CSMD1: variants seen among roughly 807,000 people sequenced by gnomAD.
CSMD1 encodes the protein CUB and sushi domain-containing protein 1.
In CSMD1, 213 loss-of-function variants were observed where a neutral mutation model predicts 417.5. That is an observed-to-expected ratio of 0.51 (90% CI 0.46 to 0.57). The LOEUF is 0.57. Ranked by LOEUF, CSMD1 falls within the 20% of genes least tolerant of loss-of-function variation. CSMD1 has a pLI of 0.00. For missense variants in CSMD1, 6,923 were observed against 4,529.7 expected (o/e 1.53, Z -15.17); for synonymous variants, 2,862 against 1,736.8 (o/e 1.65, Z -16.11).
intron 3 of CSMD1, among the ~76,000 whole-genome samples, chr8:4,343,930 T>C (rs1448517591): frequency 6.6e-6 from 1 of 152,112 alleles, no homozygotes; most frequent in African/African-American, 2.4e-5. Context: ...CCAAGAGAAG[T>C]GTTTTAAAAA....
chr8:3,885,836 G>T (rs1806526078), intron 5 of CSMD1, among the ~76,000 whole-genome samples: 2 of 152,024 alleles, frequency 1.3e-5, no homozygotes, highest in Non-Finnish European at 2.9e-5. Flanking sequence ...GTCTGACCTG[G>T]CAAACGTCTC....
intron 1 of CSMD1, among the ~76,000 whole-genome samples, chr8:4,777,377 A>G (rs1796906771): frequency 6.6e-6 from 1 of 152,166 alleles, no homozygotes; most frequent in Non-Finnish European, 1.5e-5. Context: ...GAGCTTGGGG[A>G]TGATGAAGAG....
In CSMD1 at chr8:4,216,493, G is replaced by A. The variant is rs574831576; in HGVS notation, c.416-184394C>T. On this transcript the variant is annotated intron_variant, in intron 3 of 69. Coordinates refer to ENST00000635120, the MANE Select transcript of CSMD1 (RefSeq NM_033225.6). Reference sequence around the variant, plus strand: ...ATTAGTAAAATTTTACTCATTAATAGAATTAGTGCTTATTCAGTACCCCCA... The same window carrying A: ...ATTAGTAAAATTTTACTCATTAATAAAATTAGTGCTTATTCAGTACCCCCA... Among the ~76,000 whole-genome samples the A allele has an allele frequency of 4.6e-5, 7 of 152,238 alleles. No homozygotes were observed. The East Asian group carries it at 5.8e-4, about 13-fold the overall frequency.
At chr8:4,319,243 T>G (rs1563446993) in intron 3 of CSMD1, among the ~76,000 whole-genome samples, 1 of 152,190 alleles carries the variant, frequency 6.6e-6, no homozygotes, top group African/African-American at 2.4e-5. Flanking sequence ...ACAGTCATTT[T>G]TCCCTTTTGC....
At chr8:3,959,998 T>C (rs1009542816) in intron 5 of CSMD1, among the ~76,000 whole-genome samples, 5 of 152,200 alleles carry the variant, frequency 3.3e-5, no homozygotes, top group African/African-American at 9.6e-5. Context: ...AATCACAGTA[T>C]GTGCGTGAAG....
chr8:4,092,412 G>C lies in CSMD1; in HGVS notation c.416-60313C>G, dbSNP rs976771755. 2.0e-5 allele frequency among the ~76,000 whole-genome samples: 3 copies of C among 152,104 alleles called. No homozygotes were observed. The South Asian group carries it at 6.2e-4, about 32-fold the overall frequency. On this transcript the variant is annotated intron_variant, in intron 3 of 69. Transcript: ENST00000635120. ...ACCGTAAGGCAATGAACTTCATATTGGCTTCAGCATATTATGAGACTATAT... is the reference window on the plus strand; with the variant it reads ...ACCGTAAGGCAATGAACTTCATATTCGCTTCAGCATATTATGAGACTATAT...
chr8:3,183,494 GA>G (rs1821558953), intron 36 of CSMD1, among the ~76,000 whole-genome samples: 1 of 37,790 alleles, frequency 2.6e-5, no homozygotes, highest in African/African-American at 1.7e-4. Context: ...GTTTCTTAAA[GA>G]TACCATCGGC....
intron 3 of CSMD1, among the ~76,000 whole-genome samples, chr8:4,233,268 A>G (rs1714678): frequency 0.052 from 7,941 of 152,252 alleles, 250 homozygotes; most frequent in Middle Eastern, 0.13. Flanking sequence ...GCTTCTTTGT[A>G]TGCAGAAGTG....
chr8:4,283,238 T>C (rs1796888505), intron 3 of CSMD1, among the ~76,000 whole-genome samples: 1 of 152,170 alleles, frequency 6.6e-6, no homozygotes, highest in Admixed American at 6.5e-5. Context: ...TCCACTATCC[T>C]TTTGCAAACA....
At chr8:3,258,472 G>C (rs1375156783) in intron 26 of CSMD1, among the ~76,000 whole-genome samples, 1 of 152,154 alleles carries the variant, frequency 6.6e-6, no homozygotes, top group Non-Finnish European at 1.5e-5. Context: ...TGGAGAGAAA[G>C]GAACACTTAA....
chr8:3,442,331 T>C (rs972523564), intron 12 of CSMD1, among the ~76,000 whole-genome samples: 4 of 152,178 alleles, frequency 2.6e-5, no homozygotes, highest in African/African-American at 9.7e-5. Flanking sequence ...TGTATGGTAA[T>C]GTCCTAGGCC....
intron 7 of CSMD1, among the ~76,000 whole-genome samples, chr8:3,672,087 T>A (rs1374923828): frequency 6.6e-6 from 1 of 152,182 alleles, no homozygotes; most frequent in Non-Finnish European, 1.5e-5. Flanking sequence ...AGTGTATCAT[T>A]CTAAAAGGTT....
intron 2 of CSMD1, among the ~76,000 whole-genome samples, chr8:4,438,277 C>G (rs940829352): frequency 6.6e-6 from 1 of 152,142 alleles, no homozygotes; most frequent in South Asian, 2.1e-4. Flanking sequence ...TTGAAGAGAC[C>G]TGGGGCTTTC....
At chr8:3,980,989 T>C (rs1241255643) in intron 5 of CSMD1, among the ~76,000 whole-genome samples, 2 of 152,324 alleles carry the variant, frequency 1.3e-5, no homozygotes, top group East Asian at 3.9e-4. Flanking sequence ...CCCACCTTTG[T>C]ACCCACACCC....
intron 7 of CSMD1, among the ~76,000 whole-genome samples, chr8:3,669,302 T>C (rs1798863008): frequency 6.6e-6 from 1 of 152,198 alleles, no homozygotes; most frequent in Non-Finnish European, 1.5e-5. Flanking sequence ...GTCATTGTGT[T>C]GCCTGTTTGT....
At position 3,117,406 on chromosome 8, in the gene CSMD1, A is replaced by C. The variant is rs1816937222; in HGVS notation, c.6430+993T>G. On this transcript the variant is annotated intron_variant, in intron 42 of 69. Coordinates refer to ENST00000635120, the MANE Select transcript of CSMD1 (RefSeq NM_033225.6). ...ATAAAAACTGTGATTTTAAAAGCCT[A>C]CTGATATGCTTCTTTTACTTCTTCA... 2.6e-5 allele frequency among the ~76,000 whole-genome samples: 4 copies of C among 152,206 alleles called. No homozygotes were observed. The South Asian group carries it at 8.3e-4, about 32-fold the overall frequency.
chr8:3,308,732 GTTTTTTTT>G (rs5888961), intron 23 of CSMD1, among the ~76,000 whole-genome samples: 7 of 108,932 alleles, frequency 6.4e-5, no homozygotes, highest in African/African-American at 2.2e-4. Flanking sequence ...CTACTTACAA[GTTTTTTTT>G]TTTTTTTTTT....
At chr8:3,692,538 T>G (rs1800309387) in intron 7 of CSMD1, among the ~76,000 whole-genome samples, 1 of 151,958 alleles carries the variant, frequency 6.6e-6, no homozygotes, top group African/African-American at 2.4e-5. Flanking sequence ...ACATCCTGTG[T>G]TCTCTCCTGC....
At chr8:4,212,372 A>C (rs1285649981) in intron 3 of CSMD1, among the ~76,000 whole-genome samples, 1 of 152,132 alleles carries the variant, frequency 6.6e-6, no homozygotes, top group Non-Finnish European at 1.5e-5. Flanking sequence ...CTTTACACAT[A>C]GAGAATCTCA....
Sources: allele counts gnomAD v4.1 joint callset (sites outside exome capture counted in the v4.1 genomes callset), GRCh38; gene constraint gnomAD v4.1.1; transcripts MANE v1.5; gene names NCBI Gene and HGNC (gene_info 2026-07-23, HGNC 2026-07-21).